The following CMIP variants were observed in gnomAD, a reference collection of about 807,000 sequenced individuals.
CMIP encodes C-Maf-inducing protein.
In CMIP, 13 loss-of-function variants were observed where a neutral mutation model predicts 97.3. The ratio of observed to expected loss-of-function variants is 0.13; its 90% confidence interval spans 0.09 to 0.21. CMIP has a LOEUF of 0.21. Among genes scored for constraint, CMIP ranks in the 10% least tolerant of loss-of-function variants. The pLI, the probability that CMIP is intolerant of heterozygous loss-of-function variation, is 1.00. For missense variants in CMIP, 847 were observed against 1,024.9 expected, an observed-to-expected ratio of 0.83 and a Z score of 2.37; for synonymous variants, 538 against 436.3, an observed-to-expected ratio of 1.23 and a Z score of -2.91.
intron 1 of CMIP, among the ~76,000 whole-genome samples, chr16:81,455,302 G>T (rs1232362921): frequency 1.3e-5 from 2 of 152,218 alleles, no homozygotes; most frequent in African/African-American, 2.4e-5. Context: ...TGCTATGCAG[G>T]TTTTATCAGT....
At chr16:81,445,634 G>C (rs1905783368) in intron 1 of CMIP, 93 bp downstream of exon 1, 1 of 1,359,540 alleles carries the variant, frequency 7.4e-7, no homozygotes, top group Admixed American at 2.4e-5. Flanking sequence ...CTGGAGCCCA[G>C]GGCCTGGGGG....
chr16:81,537,182 G>A (rs570614267), intron 1 of CMIP, among the ~76,000 whole-genome samples: 39 of 152,248 alleles, frequency 2.6e-4, no homozygotes, highest in Non-Finnish European at 5.0e-4. Context: ...CAATGTTCAC[G>A]TGTGAGCCTG....
At chr16:81,635,420 A>G (rs954115575) in intron 3 of CMIP, among the ~76,000 whole-genome samples, 1 of 152,100 alleles carries the variant, frequency 6.6e-6, no homozygotes, top group East Asian at 1.9e-4. Context: ...CTGCTTAATG[A>G]CCCTTGAAGT....
At chr16:81,606,517 T>C (rs1392771089) in intron 1 of CMIP, among the ~76,000 whole-genome samples, 1 of 152,142 alleles carries the variant, frequency 6.6e-6, no homozygotes, top group African/African-American at 2.4e-5. Flanking sequence ...CAAGACTCAC[T>C]CAGAGAGTGG....
At chr16:81,602,535 C>T (rs2091675011) in intron 1 of CMIP, among the ~76,000 whole-genome samples, 1 of 152,230 alleles carries the variant, frequency 6.6e-6, no homozygotes, top group African/African-American at 2.4e-5. Context: ...ATCGCCCCCA[C>T]AGTCAATACA....
chr16:81,575,252 C>T (rs1284088519), intron 1 of CMIP, among the ~76,000 whole-genome samples: 2 of 152,168 alleles, frequency 1.3e-5, no homozygotes, highest in Non-Finnish European at 2.9e-5. Context: ...GGGCCTGAGT[C>T]ATGCAGTGTT....
intron 1 of CMIP, among the ~76,000 whole-genome samples, chr16:81,512,746 A>T (rs1318329459): frequency 6.6e-6 from 1 of 151,874 alleles, no homozygotes; most frequent in African/African-American, 2.4e-5. Context: ...TAAAATAATA[A>T]TTTTTTTTGA....
chr16:81,495,961 A>T (rs769866006), intron 1 of CMIP, among the ~76,000 whole-genome samples: 6 of 152,208 alleles, frequency 3.9e-5, no homozygotes, highest in Non-Finnish European at 7.3e-5. Flanking sequence ...CGAGACTTGC[A>T]GGAGCAGAGA....
intron 16 of CMIP, 41 bp from the exon 17 acceptor site, chr16:81,702,581 G>A: frequency 6.3e-7 from 1 of 1,598,870 alleles, no homozygotes; most frequent in Non-Finnish European, 8.6e-7. Context: ...ATGGAAACTT[G>A]GGGAAAAGAA....
chr16:81,456,957 G>A (rs902732611), intron 1 of CMIP, among the ~76,000 whole-genome samples: 1 of 152,148 alleles, frequency 6.6e-6, no homozygotes. Context: ...ACCTGCCCTC[G>A]TTGAACCTGG....
chr16:81,479,468 C>G (rs1908127985), intron 1 of CMIP, among the ~76,000 whole-genome samples: 1 of 152,162 alleles, frequency 6.6e-6, no homozygotes, highest in South Asian at 2.1e-4. Context: ...CTCATCTTCT[C>G]AAACTGAAAC....
At chr16:81,486,306 C>T (rs961308038) in intron 1 of CMIP, among the ~76,000 whole-genome samples, 4 of 150,460 alleles carry the variant, frequency 2.7e-5, no homozygotes, top group African/African-American at 9.7e-5. Flanking sequence ...TGTTCAGGGC[C>T]TTGCATCTGT....
chr16:81,659,388 T>A (rs2092520437), intron 5 of CMIP, among the ~76,000 whole-genome samples: 1 of 151,930 alleles, frequency 6.6e-6, no homozygotes, highest in Admixed American at 6.5e-5. Flanking sequence ...GGATAGGTAC[T>A]TAACCTCTGT....
intron 1 of CMIP, among the ~76,000 whole-genome samples, chr16:81,576,510 T>C (rs1177513889): frequency 6.6e-6 from 1 of 152,156 alleles, no homozygotes; most frequent in Non-Finnish European, 1.5e-5. Context: ...TGTACGTCTC[T>C]GAATTAATGA....
At chr16:81,677,643 G>C (rs758734615) in intron 9 of CMIP, among the ~76,000 whole-genome samples, 9 of 152,212 alleles carry the variant, frequency 5.9e-5, no homozygotes, top group Non-Finnish European at 1.2e-4. Flanking sequence ...ATGCCATAGA[G>C]CCCCTTTCTG....
chr16:81,672,924 G>A (rs2092695953), intron 9 of CMIP, among the ~76,000 whole-genome samples: 1 of 152,212 alleles, frequency 6.6e-6, no homozygotes, highest in Admixed American at 6.5e-5. Flanking sequence ...GTGCTGGAGA[G>A]CGAGCAAGAT....
At chr16:81,699,568 G>C (rs1312016262) in intron 14 of CMIP, 117 bp from the exon 15 acceptor site, 1 of 654,462 alleles carries the variant, frequency 1.5e-6, no homozygotes, top group Non-Finnish European at 2.8e-6. Context: ...ACACCTGGCT[G>C]TCTGGACAGC....
intron 3 of CMIP, among the ~76,000 whole-genome samples, chr16:81,641,346 C>T (rs1295850254): frequency 6.6e-6 from 1 of 152,064 alleles, no homozygotes; most frequent in Non-Finnish European, 1.5e-5. Flanking sequence ...TCCAACACAT[C>T]GGAGGAACAG....
chr16:81,527,346 G>T (rs1485499581), intron 1 of CMIP, among the ~76,000 whole-genome samples: 2 of 151,982 alleles, frequency 1.3e-5, no homozygotes, highest in Non-Finnish European at 2.9e-5. Flanking sequence ...CTGATGGACG[G>T]GTAAAGGAAT....
Sources: gnomAD v4.1 joint callset for allele counts (sites outside exome capture counted in the v4.1 genomes callset) on GRCh38, gnomAD v4.1.1 for gene constraint, MANE v1.5 for transcripts, NCBI Gene and HGNC (gene_info 2026-07-23, HGNC 2026-07-21) for gene names.